Variants in TLE2 observed in about 807,000 individuals in gnomAD.
The protein encoded by TLE2 is transducin-like enhancer protein 2.
Under a neutral mutation model 97.2 loss-of-function variants are expected in TLE2, and 74 were observed. The observed-to-expected ratio is 0.76, with a 90% CI of 0.63 to 0.92. The LOEUF is 0.92. TLE2 is among the 40% of genes least tolerant of loss of function. The probability of loss-of-function intolerance (pLI) is 0.00; values close to 1 mark genes in which losing one functional copy is unlikely to be tolerated. For synonymous variants in TLE2, 499 were observed against 432.1 expected (o/e 1.15, Z -1.92); for missense variants, 1,038 against 1,008.7 (o/e 1.03, Z -0.39).
Position 3,025,059 on chromosome 19 carries a change from G to T in TLE2, c.255C>A (p.Ser85Arg), listed in dbSNP as rs150091357. The T allele has an allele frequency of 2.0e-5, 31 of 1,586,920 alleles. No individual in the cohort carries two copies. The highest frequency in any genetic ancestry group is 2.7e-5 in the Non-Finnish European group (31 of 1,165,708). Residue 85 changes from serine (S) to arginine (R), a missense_variant, in exon 5 of 20, where the codon AGC (serine) becomes AGA (arginine). By Grantham distance (110) the Ser-to-Arg change is moderately radical (BLOSUM62 -1). Transcript: ENST00000262953. Reference protein sequence around the residue: ...HKQAEIVKRLSGICAQIIPFL... With the variant: ...HKQAEIVKRLRGICAQIIPFL... ...AGGGGATAATCTGAGCGCAGATACC[G>T]CTCAGACGCTTCACAATCTCCGCCT...
At chr19:3,044,996 T>A (rs554626324) in intron 1 of TLE2, among the ~76,000 whole-genome samples, 1 of 152,114 alleles carries the variant, frequency 6.6e-6, no homozygotes, top group East Asian at 1.9e-4. Flanking sequence ...GGTGGGTGGA[T>A]CACTTGAGGT....
intron 1 of TLE2, among the ~76,000 whole-genome samples, chr19:3,042,633 G>C (rs916407089): frequency 6.6e-6 from 1 of 151,620 alleles, no homozygotes; most frequent in Non-Finnish European, 1.5e-5. Flanking sequence ...CGAGACAGAG[G>C]GGGCGAGGCG....
chr19:3,020,562 C>T (rs757028952), intron 5 of TLE2: 7 of 152,224 alleles, frequency 4.6e-5, no homozygotes, highest in Non-Finnish European at 8.8e-5. Flanking sequence ...CACCCTCCCT[C>T]CTCCACCTTC....
chr19:3,028,182 G>A (rs767227547), intron 3 of TLE2, 137 bp downstream of exon 3: 21 of 943,542 alleles, frequency 2.2e-5, no homozygotes, highest in Non-Finnish European at 3.3e-5. Flanking sequence ...CTCCTAGAGA[G>A]CCTGAAATCC....
chr19:3,044,149 G>T (rs1356239144), intron 1 of TLE2, among the ~76,000 whole-genome samples: 2 of 151,368 alleles, frequency 1.3e-5, no homozygotes, highest in African/African-American at 4.9e-5. Context: ...CTCCAGCCTG[G>T]GCGACAGAGA....
intron 19 of TLE2, among the ~76,000 whole-genome samples, chr19:2,998,278 ATTTT>A (rs147412730): frequency 4.7e-5 from 5 of 106,672 alleles, no homozygotes; most frequent in Admixed American, 1.9e-4. Flanking sequence ...TGTGTGTGTA[ATTTT>A]TTTTTTTTTT....
chr19:3,005,716 C>A lies in TLE2; in HGVS notation c.1748+5G>T. 6.2e-7 allele frequency: 1 copy of A among 1,611,630 alleles called. No homozygotes were observed. On this transcript the variant is annotated splice_donor_5th_base_variant and intron_variant, in intron 16 of 19. Coordinates refer to ENST00000262953, the MANE Select transcript of TLE2 (RefSeq NM_003260.5). ...GCCCAAGGTCCCAGCGCACCTGCCA[C>A]CCACCTGACCATAGTCTGATTCTGC...
upstream of TLE2, among the ~76,000 whole-genome samples, chr19:3,033,812 C>T (rs116277347): frequency 0.07 from 10,656 of 152,114 alleles, 1,050 homozygotes; most frequent in African/African-American, 0.22. Context: ...TGAGACCAGC[C>T]TGGGCAACAT....
upstream of TLE2, among the ~76,000 whole-genome samples, chr19:3,029,773 G>C (rs1339913587): frequency 1.3e-5 from 2 of 152,080 alleles, no homozygotes; most frequent in East Asian, 1.9e-4. Context: ...CTCTGCAAAA[G>C]GTCAGGGGTG....
Position 3,017,835 on chromosome 19 carries a change from C to T in TLE2, c.570+5G>A. On this transcript the variant is annotated splice_donor_5th_base_variant and intron_variant, in intron 8 of 19. Transcript: ENST00000262953. ...AAAAAGAGTCCCAGGGTGCCACTCA[C>T]TTACCCTGCTCGGGGCTCTCTCCAC... is the stretch of plus-strand genomic sequence containing the variant. 2 of 1,612,132 alleles carry T rather than the reference C, an allele frequency of 1.2e-6. No homozygotes were observed. The highest frequency in any genetic ancestry group is 1.7e-6 in the Non-Finnish European group (2 of 1,179,100).
intron 19 of TLE2, among the ~76,000 whole-genome samples, chr19:2,999,495 AGGCG>A: frequency 6.6e-6 from 1 of 152,208 alleles, no homozygotes; most frequent in East Asian, 1.9e-4. Flanking sequence ...TGGGAGGCCA[AGGCG>A]GGTGGATCAT....
In TLE2 at chr19:3,008,938, A is replaced by G. The variant is rs1231712887; in HGVS notation, c.1181T>C (p.Phe394Ser). The stretch of plus-strand genomic sequence containing the variant: ...CCCTCGGAGATGGGGATGAGACTCA[A>G]ATGCCATCTGTGAGAATGCCAGGGG... ...VVYGRSPVMA[F>S]ESHPHLRGSS... is the part of the protein sequence containing the mutation. The change falls in exon 14 of 20, where the codon TTT (phenylalanine) becomes TCT (serine). Residue 394 changes from phenylalanine (F) to serine (S), a missense_variant. Transcript: ENST00000262953. 1 of 1,589,468 alleles carries G rather than the reference A, an allele frequency of 6.3e-7. No individual in the cohort carries two copies. Among genetic ancestry groups the G allele is most frequent in the South Asian group, 1.2e-5 (1 of 86,746 alleles).
At chr19:3,036,141 C>A (rs904579473) in intron 1 of TLE2, among the ~76,000 whole-genome samples, 14 of 152,260 alleles carry the variant, frequency 9.2e-5, no homozygotes, top group Admixed American at 9.1e-4. Context: ...CTCAGTTTTA[C>A]CCCCAGGTGG....
chr19:3,006,510 C>G lies in TLE2; in HGVS notation c.1410G>C (p.Gln470His), dbSNP rs773874355. 1 of 1,608,682 alleles carries G rather than the reference C, an allele frequency of 6.2e-7. No homozygotes were observed. The highest frequency in any genetic ancestry group is 1.1e-5 in the South Asian group (1 of 90,282). ...AGCCCTTGCCGCCCGTGTACACATG[C>G]TGTGTGGAGCCGCTGATGGTGACCG... ...VCAVTISGSTQHVYTGGKGCV... is the reference protein window; with the variant it reads ...VCAVTISGSTHHVYTGGKGCV... Residue 470 changes from glutamine to histidine, a missense_variant, in exon 15 of 20, where the codon CAG (glutamine) becomes CAC (histidine). Coordinates refer to ENST00000262953, the MANE Select transcript of TLE2 (RefSeq NM_003260.5).
chr19:3,021,181 T>C (rs1248584267), intron 5 of TLE2, among the ~76,000 whole-genome samples: 2 of 136,608 alleles, frequency 1.5e-5, no homozygotes, highest in Non-Finnish European at 3.1e-5. Context: ...CTGAGGCAGG[T>C]GGATCACGAG....
intron 3 of TLE2, 109 bp downstream of exon 3, chr19:3,028,210 A>G (rs1387990689): frequency 3.9e-5 from 46 of 1,173,386 alleles, no homozygotes; most frequent in Non-Finnish European, 5.7e-5. Context: ...CCCAATGTAC[A>G]GACGGGGAAG....
rs529532786 is a variant in TLE2 at position 3,006,127 on chromosome 19, G to A, written c.1501-159C>T. On this transcript the variant is annotated intron_variant, in intron 15 of 19. Coordinates refer to ENST00000262953, the MANE Select transcript of TLE2 (RefSeq NM_003260.5). The stretch of plus-strand genomic sequence containing the variant: ...CTGGTGAGCCCCGCCCCTTTGACCT[G>A]CAAACACTGCCCCATCTGACTATAA... The A allele has an allele frequency of 3.0e-5, 30 of 997,096 alleles. No homozygotes were observed. The East Asian group carries it at 6.9e-4, about 23-fold the overall frequency. The allele number at this position is 997,096 out of a possible 1,614,324, so 61.8% of individuals were successfully genotyped here. A position where few individuals can be genotyped will look rare whatever the true frequency, so the allele number is the denominator to read the frequency against.
intron 1 of TLE2, among the ~76,000 whole-genome samples, chr19:3,038,442 G>A (rs10424408): frequency 0.23 from 34,654 of 152,148 alleles, 4,103 homozygotes; most frequent in East Asian, 0.31. Context: ...TCAACTCCTG[G>A]GCTCAAGCAG....
chr19:3,019,482 G>C lies in TLE2; in HGVS notation c.370-19C>G. 1 of 1,500,636 alleles carries C rather than the reference G, an allele frequency of 6.7e-7. No individual in the cohort carries two copies. Among genetic ancestry groups the C allele is most frequent in the Non-Finnish European group, 8.9e-7 (1 of 1,128,888 alleles). The allele number at this position is 1,500,636 out of a possible 1,614,324, so 93.0% of individuals were successfully genotyped here. A position where few individuals can be genotyped will look rare whatever the true frequency, so the allele number is the denominator to read the frequency against. On this transcript the variant is annotated intron_variant, in intron 6 of 19. Transcript: ENST00000262953. The surrounding 1 kb of genome is among the most constrained non-coding windows in gnomAD (Gnocchi z 5.1). ...GCTGCTGCTGCTAGAAAGGAGGCAG[G>C]ATGGGCCGGGGCGGGGGGCGGCAGG...
Sources: allele counts gnomAD v4.1 joint callset (sites outside exome capture counted in the v4.1 genomes callset), GRCh38; gene constraint gnomAD v4.1.1; non-coding constraint Gnocchi (gnomAD v3.1); transcripts MANE v1.5; gene names NCBI Gene and HGNC (gene_info 2026-07-23, HGNC 2026-07-21).